CDH13: variants seen among roughly 807,000 people sequenced by gnomAD.
CDH13 encodes the protein cadherin-13.
Under a neutral mutation model 63.8 loss-of-function variants are expected in CDH13, and 24 were observed. That is an observed-to-expected ratio of 0.38 (90% confidence interval 0.27 to 0.53). The LOEUF (loss-of-function observed/expected upper bound fraction) is 0.53, where lower values mean the gene tolerates loss of function less well. Among genes scored for constraint, CDH13 ranks in the 20% least tolerant of loss-of-function variants. The probability of loss-of-function intolerance (pLI) is 0.85; values close to 1 mark genes in which losing one functional copy is unlikely to be tolerated. For missense variants in CDH13, 1,049 were observed against 903.1 expected, an observed-to-expected ratio of 1.16 and a Z score of -2.07; for synonymous variants, 503 against 355.3, an observed-to-expected ratio of 1.42 and a Z score of -4.67.
At chr16:83,599,868 G>T (rs190797970) in intron 7 of CDH13, among the ~76,000 whole-genome samples, 84 of 152,290 alleles carry the variant, frequency 5.5e-4, no homozygotes, top group Middle Eastern at 3.4e-3. Context: ...AATTAGACCT[G>T]TGCTGTCCAG....
intron 6 of CDH13, among the ~76,000 whole-genome samples, chr16:83,406,978 A>C (rs761483154): frequency 1.6e-4 from 24 of 152,372 alleles, no homozygotes; most frequent in Non-Finnish European, 2.8e-4. Context: ...TGCTTTCTAA[A>C]AAGTAACTTA....
At chr16:83,628,659 C>G (rs1372989332) in intron 8 of CDH13, among the ~76,000 whole-genome samples, 1 of 152,188 alleles carries the variant, frequency 6.6e-6, no homozygotes, top group Non-Finnish European at 1.5e-5. Context: ...AGTGTGTCCT[C>G]TCTATCTAGT....
intron 6 of CDH13, among the ~76,000 whole-genome samples, chr16:83,480,980 C>A (rs1277359866): frequency 6.6e-6 from 1 of 152,186 alleles, no homozygotes; most frequent in Non-Finnish European, 1.5e-5. Context: ...GATCCATGAC[C>A]ACATTCTCCT....
chr16:83,093,109 A>G (rs1313450053), intron 3 of CDH13, among the ~76,000 whole-genome samples: 1 of 152,090 alleles, frequency 6.6e-6, no homozygotes. Context: ...ACCTCCATCT[A>G]TAAAAGAAAC....
At chr16:83,627,324 C>G (rs1311119241) in intron 8 of CDH13, among the ~76,000 whole-genome samples, 1 of 152,074 alleles carries the variant, frequency 6.6e-6, no homozygotes, top group Non-Finnish European at 1.5e-5. Context: ...ATTCATGGAC[C>G]TAATACCCCA....
At chr16:82,655,770 C>G (rs1033283603) in intron 1 of CDH13, among the ~76,000 whole-genome samples, 1 of 152,166 alleles carries the variant, frequency 6.6e-6, no homozygotes, top group South Asian at 2.1e-4. Flanking sequence ...ATGAAATAGG[C>G]ATTGCCCTTA....
intron 1 of CDH13, among the ~76,000 whole-genome samples, chr16:82,688,276 A>G (rs1425003185): frequency 1.3e-5 from 2 of 152,132 alleles, no homozygotes; most frequent in Non-Finnish European, 1.5e-5. Context: ...ATCTGGGAAC[A>G]TGGTTTCTGA....
intron 10 of CDH13, among the ~76,000 whole-genome samples, chr16:83,745,004 C>T (rs1469776269): frequency 6.6e-6 from 1 of 152,158 alleles, no homozygotes; most frequent in Non-Finnish European, 1.5e-5. Context: ...ATGATCTTGG[C>T]AAAGTTCACA....
intron 1 of CDH13, among the ~76,000 whole-genome samples, chr16:82,817,498 C>A (rs2037778290): frequency 6.6e-6 from 1 of 152,238 alleles, no homozygotes; most frequent in East Asian, 1.9e-4. Flanking sequence ...CTTAAATGCA[C>A]ACACATATAT....
intron 3 of CDH13, among the ~76,000 whole-genome samples, chr16:83,097,483 A>G (rs985668514): frequency 1.1e-4 from 16 of 152,202 alleles, no homozygotes; most frequent in Non-Finnish European, 1.9e-4. Context: ...ATAATGAACC[A>G]TGCATAATTG....
Position 83,102,965 on chromosome 16 carries a change from T to TTTTTTC in CDH13, c.367-22415_367-22414insCTTTTT, listed in dbSNP as rs2034570357. 1.7e-3 allele frequency among the ~76,000 whole-genome samples: 185 copies of TTTTTTC among 107,844 alleles called. 1 individual carries two copies. Among genetic ancestry groups the TTTTTTC allele is most frequent in the Non-Finnish European group, 2.4e-3 (132 of 54,868 alleles). The allele number at this position is 107,844 out of a possible 152,430, so 70.7% of individuals were successfully genotyped here. On this transcript the variant is annotated intron_variant, in intron 3 of 13. Coordinates refer to ENST00000567109, the MANE Select transcript of CDH13 (RefSeq NM_001257.5). ...TTCTTTTTCTTTTTTTTTTTTTTTTTTTTTTGAGGTGGAGTCCTGCTCTGT... is the reference window on the plus strand; with the variant it reads ...TTCTTTTTCTTTTTTTTTTTTTTTTTTTTTTCTTTTTGAGGTGGAGTCCTGCTCTGT...
intron 6 of CDH13, among the ~76,000 whole-genome samples, chr16:83,421,504 A>T (rs1047641983): frequency 1.3e-5 from 2 of 152,228 alleles, no homozygotes; most frequent in Non-Finnish European, 2.9e-5. Flanking sequence ...AAGACGGCTG[A>T]TGCAACTCTA....
At chr16:83,287,835 C>T (rs557007390) in intron 5 of CDH13, among the ~76,000 whole-genome samples, 1 of 152,096 alleles carries the variant, frequency 6.6e-6, no homozygotes, top group African/African-American at 2.4e-5. Flanking sequence ...TTTGGGACCT[C>T]TGATCAAGAG....
chr16:83,690,417 G>C (rs905233882), intron 10 of CDH13, among the ~76,000 whole-genome samples: 2 of 152,152 alleles, frequency 1.3e-5, no homozygotes, highest in Admixed American at 6.5e-5. Flanking sequence ...CAGCTATCCC[G>C]GGTGGAGAGG....
intron 7 of CDH13, among the ~76,000 whole-genome samples, chr16:83,508,151 G>GGAGGA (rs572818385): frequency 0.011 from 1,319 of 125,304 alleles, 67 homozygotes; most frequent in African/African-American, 0.037. Flanking sequence ...GGAGGGGAGG[G>GGAGGA]GAGGCGAGGG....
intron 1 of CDH13, among the ~76,000 whole-genome samples, chr16:82,736,530 C>A (rs2033682625): frequency 6.6e-6 from 1 of 152,120 alleles, no homozygotes; most frequent in Non-Finnish European, 1.5e-5. Context: ...GACATAAGAG[C>A]CATGGGGCAG....
intron 5 of CDH13, among the ~76,000 whole-genome samples, chr16:83,294,963 C>T (rs1308054719): frequency 6.6e-6 from 1 of 152,128 alleles, no homozygotes; most frequent in Non-Finnish European, 1.5e-5. Flanking sequence ...AGGTATCACA[C>T]TACCTGACTT....
chr16:82,993,388 T>C lies in CDH13; in HGVS notation c.158-38622T>C, dbSNP rs543610544. On this transcript the variant is annotated intron_variant, in intron 2 of 13. Transcript: ENST00000567109. ...ATTTAAGTTGTTGCAGGTTTTGAGT[T>C]ACCACTGGCTTTTGACTCAGTTGAA... Among the ~76,000 whole-genome samples, 122 of 152,160 alleles carry C rather than the reference T, an allele frequency of 8.0e-4. No individual in the cohort carries two copies. The South Asian group carries it at 0.018, about 23-fold the overall frequency.
At chr16:83,134,586 AGAGAGAGT>A (rs772203093) in intron 4 of CDH13, among the ~76,000 whole-genome samples, 904 of 57,098 alleles carry the variant, frequency 0.016, 47 homozygotes, top group Non-Finnish European at 0.021. Flanking sequence ...AGAGAGAGAG[AGAGAGAGT>A]GAGTTACATG....
Sources: allele counts gnomAD v4.1 joint callset (sites outside exome capture counted in the v4.1 genomes callset), GRCh38; gene constraint gnomAD v4.1.1; transcripts MANE v1.5; gene names NCBI Gene and HGNC (gene_info 2026-07-23, HGNC 2026-07-21).